ADGRG7: variants seen among roughly 807,000 people sequenced by gnomAD.
ADGRG7 encodes G-protein coupled receptor 128.
A neutral mutation model predicts 88.6 loss-of-function variants in ADGRG7; 82 were observed. The ratio of observed to expected loss-of-function variants is 0.93; its 90% CI spans 0.77 to 1.11. The LOEUF is 1.11. Among genes scored for constraint, ADGRG7 ranks in the 50% most tolerant of loss-of-function variants. The pLI, the probability that ADGRG7 is intolerant of heterozygous loss-of-function variation, is 0.00. For missense variants in ADGRG7, 945 were observed against 953.4 expected (o/e 0.99, Z 0.12); for synonymous variants, 381 against 345.2 (o/e 1.10, Z -1.15).
At chr3:100,692,532 TG>T (rs1218952426) in intron 15 of ADGRG7, among the ~76,000 whole-genome samples, 1 of 152,102 alleles carries the variant, frequency 6.6e-6, no homozygotes, top group Non-Finnish European at 1.5e-5. Flanking sequence ...AATGGTAAAA[TG>T]GTAAAAACTG....
Position 100,695,436 on chromosome 3 carries a change from G to A in ADGRG7, c.*435G>A, listed in dbSNP as rs569620473. The A allele has an allele frequency of 2.0e-5, 3 of 153,640 alleles. No individual in the cohort carries two copies. The highest frequency in any genetic ancestry group is 1.9e-4 in the East Asian group (1 of 5,214). 9.5% of individuals were successfully genotyped at this position (153,640 alleles called of 1,614,324 possible). ...TTTGACCTCTGAATATTTTACAGTC[G>A]TATGTGCTTGTACTTTTATTTCCAA... On this transcript the variant is annotated 3_prime_UTR_variant, in exon 16 of 16. Coordinates refer to ENST00000273352, the MANE Select transcript of ADGRG7 (RefSeq NM_032787.3).
At chr3:100,685,010 T>C (rs1403013227) in intron 15 of ADGRG7, among the ~76,000 whole-genome samples, 1 of 152,182 alleles carries the variant, frequency 6.6e-6, no homozygotes, top group Non-Finnish European at 1.5e-5. Flanking sequence ...TTATGTTTGA[T>C]AATTATATTA....
rs576511244 is a variant in ADGRG7, at chr3:100,688,782, G to A, written c.2137-5962G>A. ...TCTGTTCTTTTACATTTGCTGAGGAGAGCTTTACTTCCAACTATGTGGTCA... is the reference window on the plus strand; with the variant it reads ...TCTGTTCTTTTACATTTGCTGAGGAAAGCTTTACTTCCAACTATGTGGTCA... On this transcript the variant is annotated intron_variant, in intron 15 of 15. Coordinates refer to ENST00000273352, the MANE Select transcript of ADGRG7 (RefSeq NM_032787.3). Among the ~76,000 whole-genome samples the A allele has an allele frequency of 3.4e-3, 521 of 152,288 alleles. 5 individuals are homozygous for A. Among genetic ancestry groups the A allele is most frequent in the Non-Finnish European group, 5.0e-3 (340 of 68,028 alleles).
chr3:100,631,462 C>A (rs751962248), intron 3 of ADGRG7, among the ~76,000 whole-genome samples: 3 of 152,122 alleles, frequency 2.0e-5, no homozygotes, highest in Non-Finnish European at 4.4e-5. Flanking sequence ...TTCCTAGATT[C>A]TATCCTGATA....
At chr3:100,618,191 C>G (rs1044103404) in intron 1 of ADGRG7, among the ~76,000 whole-genome samples, 10 of 152,108 alleles carry the variant, frequency 6.6e-5, no homozygotes, top group East Asian at 3.9e-4. Flanking sequence ...ATGGTAGTTT[C>G]TTTTGCTGTG....
chr3:100,678,673 C>T (rs1235242996), intron 15 of ADGRG7, among the ~76,000 whole-genome samples: 1 of 152,216 alleles, frequency 6.6e-6, no homozygotes, highest in African/African-American at 2.4e-5. Flanking sequence ...CACCCCAAGT[C>T]CAGTAACCTT....
chr3:100,693,570 C>G (rs547807852), intron 15 of ADGRG7, among the ~76,000 whole-genome samples: 1 of 152,272 alleles, frequency 6.6e-6, no homozygotes, highest in East Asian at 1.9e-4. Context: ...AATAACAGTA[C>G]TCACAGGATA....
intron 1 of ADGRG7, among the ~76,000 whole-genome samples, chr3:100,620,972 T>C (rs1024870709): frequency 1.3e-5 from 2 of 152,090 alleles, no homozygotes; most frequent in Admixed American, 1.3e-4. Flanking sequence ...ATGTCAAACT[T>C]TTTCATTATT....
intron 6 of ADGRG7, among the ~76,000 whole-genome samples, chr3:100,640,379 G>A (rs1707620637): frequency 6.6e-6 from 1 of 152,162 alleles, no homozygotes; most frequent in African/African-American, 2.4e-5. Context: ...GAGAAGAGGA[G>A]AGGGTGAGAA....
intron 15 of ADGRG7, among the ~76,000 whole-genome samples, chr3:100,687,662 T>C (rs1450216431): frequency 6.6e-6 from 1 of 152,258 alleles, no homozygotes; most frequent in Non-Finnish European, 1.5e-5. Flanking sequence ...TGGTTCTGTT[T>C]ATATGCTGGA....
chr3:100,612,838 A>G (rs1707172806), intron 1 of ADGRG7, among the ~76,000 whole-genome samples: 2 of 152,164 alleles, frequency 1.3e-5, no homozygotes, highest in South Asian at 4.1e-4. Context: ...GGACGTTGAA[A>G]TATTCCCAAA....
chr3:100,625,738 G>A (rs1359351025), intron 1 of ADGRG7, among the ~76,000 whole-genome samples: 2 of 152,150 alleles, frequency 1.3e-5, no homozygotes, highest in Non-Finnish European at 2.9e-5. Context: ...TTAACATGAA[G>A]GGATGTTGAA....
chr3:100,649,172 T>C (rs1027579130), intron 10 of ADGRG7, among the ~76,000 whole-genome samples: 8 of 152,208 alleles, frequency 5.3e-5, no homozygotes, highest in African/African-American at 1.7e-4. Flanking sequence ...CAAGGAAAAG[T>C]ATAAATAGTT....
At chr3:100,626,787 GA>G (rs1213573416) in intron 1 of ADGRG7, among the ~76,000 whole-genome samples, 3 of 150,892 alleles carry the variant, frequency 2.0e-5, no homozygotes, top group Non-Finnish European at 3.0e-5. Context: ...TCCGTCAAAA[GA>G]AAAAAAAATT....
Position 100,637,400 on chromosome 3 carries a change from A to C in ADGRG7, c.696A>C (p.Thr232=). The C allele has an allele frequency of 1.2e-6, 2 of 1,607,842 alleles. No individual in the cohort carries two copies. Among genetic ancestry groups the C allele is most frequent in the South Asian group, 2.2e-5 (2 of 90,968 alleles). ...CTACTGCTAATGATGATGCCCTTAC[A>C]ACGTAAGCACAAATTCAATTTGGAA... ...VAATANDDAL[T]TLIEQMETYS... is the part of the protein sequence containing the mutation. The change falls in exon 6 of 16, where the codon ACA becomes ACC. Residue 232 remains threonine (T), a splice_region_variant and synonymous_variant. Transcript: ENST00000273352.
intron 4 of ADGRG7, among the ~76,000 whole-genome samples, chr3:100,635,154 T>A (rs527863837): frequency 7.1e-4 from 108 of 152,264 alleles, no homozygotes; most frequent in Non-Finnish European, 1.1e-3. Flanking sequence ...TCTCGGCCAG[T>A]GCCTTCCAAA....
Position 100,672,217 on chromosome 3 carries a change from C to T in ADGRG7, c.2136+3112C>T, listed in dbSNP as rs187445357. Among the ~76,000 whole-genome samples, 37 of 152,124 alleles carry T rather than the reference C, an allele frequency of 2.4e-4. 1 individual carries two copies. The East Asian group carries it at 7.2e-3, about 29-fold the overall frequency. The stretch of plus-strand genomic sequence containing the variant: ...GGAATGTTTTTCCATTTATTTGTGT[C>T]CTCTCTTATTTCCTTGAGCAGTAGC... On this transcript the variant is annotated intron_variant, in intron 15 of 15. Coordinates refer to ENST00000273352, the MANE Select transcript of ADGRG7 (RefSeq NM_032787.3).
intron 15 of ADGRG7, among the ~76,000 whole-genome samples, chr3:100,687,618 G>T (rs2094985072): frequency 6.6e-6 from 1 of 152,114 alleles, no homozygotes; most frequent in South Asian, 2.1e-4. Context: ...GGCCTTTTCT[G>T]CATCTATTGA....
At chr3:100,670,068 C>A (rs1053363281) in intron 15 of ADGRG7, among the ~76,000 whole-genome samples, 2 of 151,990 alleles carry the variant, frequency 1.3e-5, no homozygotes, top group African/African-American at 2.4e-5. Context: ...TAACTATAAT[C>A]ACCCTGTTGT....
Sources: allele counts gnomAD v4.1 joint callset (sites outside exome capture counted in the v4.1 genomes callset), GRCh38; gene constraint gnomAD v4.1.1; transcripts MANE v1.5; gene names NCBI Gene and HGNC (gene_info 2026-07-23, HGNC 2026-07-21).